The following SIM2 variants were observed in gnomAD, a reference collection of about 807,000 sequenced individuals.
SIM2 encodes the protein SIM bHLH transcription factor 2.
Under a neutral mutation model 64.8 loss-of-function variants are expected in SIM2, and 28 were observed. The ratio of observed to expected loss-of-function variants is 0.43; its 90% confidence interval spans 0.32 to 0.59. The LOEUF is 0.59. Among genes scored for constraint, SIM2 ranks in the 20% least tolerant of loss-of-function variants. The pLI is 0.07. For synonymous variants in SIM2, 408 were observed against 391.1 expected (o/e 1.04, Z -0.51); for missense variants, 847 against 871.4 (o/e 0.97, Z 0.35).
intron 1 of SIM2, chr21:36,701,290 T>G (rs2088492006): frequency 6.6e-6 from 1 of 152,438 alleles, no homozygotes; most frequent in Non-Finnish European, 1.5e-5. Flanking sequence ...CATAGCGCCA[T>G]CCCCACCAGG....
In SIM2 at chr21:36,699,927, G is replaced by GC; in HGVS notation, c.175+8dup. On this transcript the variant is annotated splice_region_variant and intron_variant, in intron 1 of 10. Transcript: ENST00000290399. The surrounding 1 kb of genome is among the most constrained non-coding windows in gnomAD (Gnocchi z 5.6). ...GCGCGCCGTCTTCCCCGAAGGTGAG[G>GC]CCTCAGGTGGGCGGCCGGGGACGCT... is the stretch of plus-strand genomic sequence containing the variant. The GC allele has an allele frequency of 6.3e-7, 1 of 1,592,428 alleles. No homozygotes were observed. Among genetic ancestry groups the GC allele is most frequent in the Non-Finnish European group, 8.5e-7 (1 of 1,170,076 alleles).
chr21:36,731,263 A>G (rs2088964973), intron 7 of SIM2, 112 bp downstream of exon 7: 1 of 703,890 alleles, frequency 1.4e-6, no homozygotes, highest in African/African-American at 1.8e-5. Flanking sequence ...TCCATGATAC[A>G]CACTTGAATC....
intron 1 of SIM2, among the ~76,000 whole-genome samples, chr21:36,705,996 T>C (rs560652739): frequency 6.6e-6 from 1 of 152,236 alleles, no homozygotes; most frequent in East Asian, 1.9e-4. Flanking sequence ...GGGTCTCCCT[T>C]AGGTGCCCTC....
rs535194581 is a variant in SIM2 at position 36,744,648 on chromosome 21, C to T, written c.1168-80C>T. ...GCCCTTGGATGGGGTTGGGCCCCGT[C>T]GGGACGGTTCTTGCAGGGCCGGAAG... On this transcript the variant is annotated intron_variant, in intron 9 of 10. Coordinates refer to ENST00000290399, the MANE Select transcript of SIM2 (RefSeq NM_005069.6). 293 of 1,480,400 alleles carry T rather than the reference C, an allele frequency of 2.0e-4. No individual in the cohort carries two copies. The African/African-American group carries it at 3.4e-3, about 17-fold the overall frequency. 91.7% of individuals were successfully genotyped at this position (1,480,400 alleles called of 1,614,324 possible). A position where few individuals can be genotyped will look rare whatever the true frequency, so the allele number is the denominator to read the frequency against.
At chr21:36,702,238 A>C (rs530722001) in intron 1 of SIM2, among the ~76,000 whole-genome samples, 1 of 152,112 alleles carries the variant, frequency 6.6e-6, no homozygotes, top group Non-Finnish European at 1.5e-5. Context: ...CACTGGTGGC[A>C]GGTTTGGGAG....
At chr21:36,742,130 C>A (rs758407278) in intron 8 of SIM2, among the ~76,000 whole-genome samples, 1 of 151,970 alleles carries the variant, frequency 6.6e-6, no homozygotes, top group Non-Finnish European at 1.5e-5. Context: ...AGCTTCGGAT[C>A]CCATCACAGA....
intron 1 of SIM2, among the ~76,000 whole-genome samples, chr21:36,703,077 A>G (rs1315435409): frequency 1.3e-5 from 2 of 152,202 alleles, no homozygotes; most frequent in Non-Finnish European, 2.9e-5. Flanking sequence ...ATAGCAGGCC[A>G]GTTGCTGCCA....
At chr21:36,705,178 A>G (rs551368484) in intron 1 of SIM2, among the ~76,000 whole-genome samples, 1 of 152,250 alleles carries the variant, frequency 6.6e-6, no homozygotes, top group South Asian at 2.1e-4. Flanking sequence ...ATAAACGCCG[A>G]GGTCGGGGGT....
rs1034784370 is a variant in SIM2, at chr21:36,699,690, C to A, written c.-57C>A. On this transcript the variant is annotated 5_prime_UTR_variant, in exon 1 of 11. Coordinates refer to ENST00000290399, the MANE Select transcript of SIM2 (RefSeq NM_005069.6). The surrounding 1 kb of genome is among the most constrained non-coding windows in gnomAD (Gnocchi z 5.6). Reference sequence around the variant, plus strand: ...CCCATCCCCGCCGCCGCAGCCCGAGCGGGGCTCCGCGGGCCTGGAGCACGG... The same window carrying A: ...CCCATCCCCGCCGCCGCAGCCCGAGAGGGGCTCCGCGGGCCTGGAGCACGG... The A allele has an allele frequency of 1.9e-6, 3 of 1,567,114 alleles. No homozygotes were observed. The African/African-American group carries it at 4.2e-5, about 22-fold the overall frequency.
At chr21:36,742,646 G>C (rs551940061) in intron 8 of SIM2, among the ~76,000 whole-genome samples, 7 of 152,100 alleles carry the variant, frequency 4.6e-5, no homozygotes, top group African/African-American at 1.7e-4. Flanking sequence ...GCTATTGTAC[G>C]TTCAATCACC....
At chr21:36,744,645 C>T (rs902123265) in intron 9 of SIM2, 83 bp from the exon 10 acceptor site, 27 of 1,476,956 alleles carry the variant, frequency 1.8e-5, no homozygotes, top group African/African-American at 8.4e-5. Context: ...GGTTGGGCCC[C>T]GTCGGGACGG....
chr21:36,726,364 C>G lies in SIM2; in HGVS notation c.743+46C>G, dbSNP rs2088891729. 1.9e-6 allele frequency: 3 copies of G among 1,549,164 alleles called. No homozygotes were observed. The highest frequency in any genetic ancestry group is 2.3e-5 in the South Asian group (2 of 87,792). On this transcript the variant is annotated intron_variant, in intron 6 of 10. Coordinates refer to ENST00000290399, the MANE Select transcript of SIM2 (RefSeq NM_005069.6). The surrounding 1 kb of genome is among the most constrained non-coding windows in gnomAD (Gnocchi z 4.5). Reference sequence around the variant, plus strand: ...AGTGGCTGTGGCCTTCTGGAAGACACCGGTGGTGGAAATGGGTCCCTGAAA... The same window carrying G: ...AGTGGCTGTGGCCTTCTGGAAGACAGCGGTGGTGGAAATGGGTCCCTGAAA...
intron 3 of SIM2, among the ~76,000 whole-genome samples, chr21:36,713,931 T>C (rs1350213955): frequency 6.6e-6 from 1 of 152,226 alleles, no homozygotes; most frequent in East Asian, 1.9e-4. Flanking sequence ...GTCTCCCAAA[T>C]ACAGTTTACT....
intron 9 of SIM2, among the ~76,000 whole-genome samples, chr21:36,744,327 AAG>A (rs2089200669): frequency 6.6e-6 from 1 of 151,278 alleles, no homozygotes; most frequent in Non-Finnish European, 1.5e-5. Context: ...AAAAAAAAAA[AAG>A]AAAGAAGGAA....
intron 1 of SIM2, among the ~76,000 whole-genome samples, chr21:36,703,872 A>T (rs2088541050): frequency 1.3e-5 from 2 of 152,268 alleles, no homozygotes; most frequent in African/African-American, 4.8e-5. Context: ...AGCAGGACGC[A>T]GGTCGGCCTC....
At position 36,731,099 on chromosome 21, in the gene SIM2, C is replaced by T. The variant is rs1280914358; in HGVS notation, c.798C>T (p.Tyr266=). Residue 266 remains tyrosine, a synonymous_variant, in exon 7 of 11, where the codon TAC becomes TAT. Transcript: ENST00000290399. The part of the protein sequence containing the change: ...EPQDLIEKTL[Y]HHVHGCDVFH... ...AGGACCTGATCGAGAAGACCCTATACCATCACGTGCACGGCTGCGACGTGT... is the reference window on the plus strand; with the variant it reads ...AGGACCTGATCGAGAAGACCCTATATCATCACGTGCACGGCTGCGACGTGT... 1 of 1,614,094 alleles carries T rather than the reference C, an allele frequency of 6.2e-7. No homozygotes were observed. The highest frequency in any genetic ancestry group is 1.7e-5 in the Admixed American group (1 of 60,026).
Position 36,747,843 on chromosome 21 carries a change from C to T in SIM2, c.1755C>T (p.Thr585=), listed in dbSNP as rs886368449. The change falls in exon 11 of 11, where the codon ACC becomes ACT. Residue 585 remains threonine, a synonymous_variant. Coordinates refer to ENST00000290399, the MANE Select transcript of SIM2 (RefSeq NM_005069.6). The surrounding 1 kb of genome is among the most constrained non-coding windows in gnomAD (Gnocchi z 4.5). ...CACCCGAGTGCTGCGCGCCCCCGAC[C>T]CCCGAGGCCCCGGGCGCGCCGGCGC... The part of the protein sequence containing the change: ...RAAPECCAPP[T]PEAPGAPAQL... The T allele has an allele frequency of 2.4e-4, 245 of 1,035,192 alleles. No homozygotes were observed. Among genetic ancestry groups the T allele is most frequent in the Non-Finnish European group, 2.8e-4 (240 of 862,222 alleles). The allele number at this position is 1,035,192 out of a possible 1,614,324, so 64.1% of individuals were successfully genotyped here. A position where few individuals can be genotyped will look rare whatever the true frequency, so the allele number is the denominator to read the frequency against.
At chr21:36,714,854 C>A (rs1179917316) in intron 3 of SIM2, among the ~76,000 whole-genome samples, 1 of 152,188 alleles carries the variant, frequency 6.6e-6, no homozygotes, top group African/African-American at 2.4e-5. Context: ...GGTTCGTGAT[C>A]GGCTCCACGG....
rs2088458944 is a variant in SIM2, at chr21:36,699,819, A to C, written c.73A>C (p.Lys25Gln). Residue 25 changes from lysine (K) to glutamine (Q), a missense_variant, in exon 1 of 11, where the codon AAG becomes CAG. By Grantham distance (53) the Lys-to-Gln change is moderately conservative. Around this residue, in one of 3 missense-constraint regions of SIM2, gnomAD observed 397 missense variants for 439.2 expected, o/e 0.90. Transcript: ENST00000290399. This position sits in a 1 kb window ranked among gnomAD's most constrained non-coding sequence, Gnocchi z 5.6. ...KENGEFYELA[K>Q]LLPLPSAITS... The stretch of plus-strand genomic sequence containing the variant: ...AAATGGCGAGTTTTACGAGCTTGCC[A>C]AGCTGCTCCCGCTGCCGTCGGCCAT... The C allele has an allele frequency of 6.2e-7, 1 of 1,611,946 alleles. No individual in the cohort carries two copies.
Sources: gnomAD v4.1 joint callset for allele counts (sites outside exome capture counted in the v4.1 genomes callset) on GRCh38, gnomAD v4.1.1 for gene constraint, gnomAD v4.1.1 regional missense constraint, Gnocchi (gnomAD v3.1) non-coding constraint, MANE v1.5 for transcripts, NCBI Gene and HGNC (gene_info 2026-07-23, HGNC 2026-07-21) for gene names.